The following CSMD1 variants were observed in gnomAD, a reference collection of about 807,000 sequenced individuals.
CSMD1 encodes CUB and sushi domain-containing protein 1.
Under a neutral mutation model 417.5 loss-of-function variants are expected in CSMD1, and 213 were observed. The ratio of observed to expected loss-of-function variants is 0.51; its 90% CI spans 0.46 to 0.57. CSMD1 has a LOEUF of 0.57. Ranked by LOEUF, CSMD1 falls within the 20% of genes least tolerant of loss-of-function variation. The pLI is 0.00. For synonymous variants in CSMD1, 2,862 were observed against 1,736.8 expected, an observed-to-expected ratio of 1.65 and a Z score of -16.11; for missense variants, 6,923 against 4,529.7, an observed-to-expected ratio of 1.53 and a Z score of -15.17.
At chr8:4,750,710 T>C (rs1331823658) in intron 1 of CSMD1, among the ~76,000 whole-genome samples, 2 of 149,200 alleles carry the variant, frequency 1.3e-5, no homozygotes, top group African/African-American at 2.5e-5. Context: ...AGTTTCCCAA[T>C]AGAAACTTGA....
rs181366233 is a variant in CSMD1 at position 3,553,990 on chromosome 8, C to A, written c.1344+20955G>T. Reference sequence around the variant, plus strand: ...GTGATGGAATTATGGGTGAAATTTGCTTTCTCTAGGACTGATTTTATTTTT... The same window carrying A: ...GTGATGGAATTATGGGTGAAATTTGATTTCTCTAGGACTGATTTTATTTTT... On this transcript the variant is annotated intron_variant, in intron 10 of 69. Transcript: ENST00000635120. Among the ~76,000 whole-genome samples, 3 of 152,024 alleles carry A rather than the reference C, an allele frequency of 2.0e-5. No individual in the cohort carries two copies. The South Asian group carries it at 6.2e-4, about 32-fold the overall frequency.
chr8:3,648,507 G>C (rs1018880630), intron 7 of CSMD1, among the ~76,000 whole-genome samples: 1 of 152,152 alleles, frequency 6.6e-6, no homozygotes, highest in Non-Finnish European at 1.5e-5. Flanking sequence ...TGAGATTTTG[G>C]ACCTGTTGAA....
chr8:4,584,823 G>A (rs757225025), intron 2 of CSMD1, among the ~76,000 whole-genome samples: 3 of 152,092 alleles, frequency 2.0e-5, no homozygotes, highest in East Asian at 1.9e-4. Context: ...TGTCTCTGGT[G>A]CTTTTCTAGT....
At chr8:4,185,750 T>C (rs1798635197) in intron 3 of CSMD1, among the ~76,000 whole-genome samples, 2 of 152,170 alleles carry the variant, frequency 1.3e-5, no homozygotes, top group South Asian at 4.1e-4. Context: ...AGAGCTATCA[T>C]TTTGAGATAA....
At chr8:4,725,220 T>C (rs911972756) in intron 1 of CSMD1, among the ~76,000 whole-genome samples, 2 of 152,178 alleles carry the variant, frequency 1.3e-5, no homozygotes, top group Non-Finnish European at 2.9e-5. Context: ...TTAAGTCTTA[T>C]TGCAAGCTGT....
chr8:2,999,792 G>A (rs1281784667), intron 53 of CSMD1, among the ~76,000 whole-genome samples, 166 bp downstream of exon 53: 3 of 151,922 alleles, frequency 2.0e-5, no homozygotes, highest in South Asian at 4.2e-4. Flanking sequence ...AAAGGAAAGC[G>A]TGAACATGGC....
At chr8:4,425,030 G>C (rs953823436) in intron 2 of CSMD1, among the ~76,000 whole-genome samples, 5 of 151,978 alleles carry the variant, frequency 3.3e-5, no homozygotes, top group African/African-American at 9.7e-5. Flanking sequence ...CTAAAAGTAA[G>C]TTGAACAAAA....
At chr8:3,422,879 G>A (rs559941604) in intron 12 of CSMD1, among the ~76,000 whole-genome samples, 2 of 152,276 alleles carry the variant, frequency 1.3e-5, no homozygotes, top group South Asian at 4.1e-4. Flanking sequence ...TGAATTCTGT[G>A]TCCTCCAGAG....
intron 7 of CSMD1, among the ~76,000 whole-genome samples, chr8:3,628,593 G>A (rs376783890): frequency 1.3e-5 from 2 of 152,198 alleles, no homozygotes; most frequent in East Asian, 3.9e-4. Flanking sequence ...ATCATGGCAA[G>A]TGCAGGGGGA....
At chr8:4,134,542 C>T (rs1043696841) in intron 3 of CSMD1, among the ~76,000 whole-genome samples, 1 of 152,192 alleles carries the variant, frequency 6.6e-6, no homozygotes, top group Admixed American at 6.5e-5. Flanking sequence ...TTGTTTAAGC[C>T]ACCTAGTCTG....
intron 1 of CSMD1, among the ~76,000 whole-genome samples, chr8:4,642,714 G>C (rs760871861): frequency 6.6e-6 from 1 of 152,162 alleles, no homozygotes; most frequent in African/African-American, 2.4e-5. Context: ...TTTGAAGTGG[G>C]GTGTGTAGCT....
chr8:4,458,523 A>T (rs375610251), intron 2 of CSMD1, among the ~76,000 whole-genome samples: 7 of 152,266 alleles, frequency 4.6e-5, no homozygotes, highest in African/African-American at 1.4e-4. Context: ...GTATAGTGTG[A>T]AAGAGGTATG....
At chr8:4,236,731 G>A (rs17069679) in intron 3 of CSMD1, among the ~76,000 whole-genome samples, 6,280 of 152,228 alleles carry the variant, frequency 0.041, 149 homozygotes, top group East Asian at 0.089. Flanking sequence ...CTGTGCCTTC[G>A]AAGACTGCTG....
intron 3 of CSMD1, among the ~76,000 whole-genome samples, chr8:4,277,042 G>T (rs1476505694): frequency 6.6e-6 from 1 of 152,084 alleles, no homozygotes; most frequent in Non-Finnish European, 1.5e-5. Flanking sequence ...TTACCAGGAT[G>T]CCATCAGACT....
chr8:4,717,952 G>A (rs1208201624), intron 1 of CSMD1, among the ~76,000 whole-genome samples: 1 of 152,100 alleles, frequency 6.6e-6, no homozygotes, highest in Non-Finnish European at 1.5e-5. Context: ...CAATAGTAAA[G>A]TTTATAAAAT....
chr8:3,989,579 A>G (rs1814593214), intron 5 of CSMD1, among the ~76,000 whole-genome samples: 1 of 152,218 alleles, frequency 6.6e-6, no homozygotes, highest in Admixed American at 6.5e-5. Context: ...CAAGAAAGGG[A>G]TTGCATTAAG....
At chr8:3,900,046 G>A (rs535108336) in intron 5 of CSMD1, among the ~76,000 whole-genome samples, 63 of 152,258 alleles carry the variant, frequency 4.1e-4, no homozygotes, top group Non-Finnish European at 7.8e-4. Context: ...GCAGCTGGCC[G>A]ATGCTGTAGC....
Position 3,409,484 on chromosome 8 carries a change from C to G in CSMD1, c.1683G>C (p.Gly561=), listed in dbSNP as rs900213325. 5 of 1,611,518 alleles carry G rather than the reference C, an allele frequency of 3.1e-6. No homozygotes were observed. Among genetic ancestry groups the G allele is most frequent in the Admixed American group, 1.7e-5 (1 of 59,718 alleles). ...TCTGCTGACAGGTGATAACTCTCTC[C>G]CCCACCAGCTCAAAGGCCGCCGGGC... The part of the protein sequence containing the change: ...FECPAAFELV[G]ERVITCQQNN... The change falls in exon 13 of 70, where the codon GGG becomes GGC. Residue 561 remains glycine, a synonymous_variant. Transcript: ENST00000635120.
intron 7 of CSMD1, among the ~76,000 whole-genome samples, chr8:3,655,464 T>C (rs993653039): frequency 5.3e-5 from 8 of 152,198 alleles, no homozygotes; most frequent in South Asian, 4.1e-4. Flanking sequence ...ATAATTATAA[T>C]GACAAACAAT....
Sources: gnomAD v4.1 joint callset for allele counts (sites outside exome capture counted in the v4.1 genomes callset) on GRCh38, gnomAD v4.1.1 for gene constraint, MANE v1.5 for transcripts, NCBI Gene and HGNC (gene_info 2026-07-23, HGNC 2026-07-21) for gene names.